Variants in TUBGCP3 observed in about 807,000 individuals in gnomAD.
The protein encoded by TUBGCP3 is gamma-tubulin complex component 3.
A neutral mutation model predicts 123.1 loss-of-function variants in TUBGCP3; 50 were observed. The observed-to-expected ratio is 0.41, with a 90% CI of 0.32 to 0.51. TUBGCP3 has a LOEUF of 0.51. Ranked by LOEUF, TUBGCP3 falls within the 20% of genes least tolerant of loss-of-function variation. The pLI is 0.36. For synonymous variants in TUBGCP3, 405 were observed against 413.9 expected, an observed-to-expected ratio of 0.98 and a Z score of 0.26; for missense variants, 882 against 1,127.0, an observed-to-expected ratio of 0.78 and a Z score of 3.11.
At chr13:112,487,137 G>A (rs1594386873) in intron 21 of TUBGCP3, among the ~76,000 whole-genome samples, 1 of 151,684 alleles carries the variant, frequency 6.6e-6, no homozygotes, top group South Asian at 2.1e-4. Context: ...AGAAGAACAC[G>A]CCTAAGAAGT....
intron 2 of TUBGCP3, among the ~76,000 whole-genome samples, chr13:112,568,521 T>C (rs1360658462): frequency 6.6e-6 from 1 of 151,812 alleles, no homozygotes; most frequent in African/African-American, 2.4e-5. Flanking sequence ...CACAGCCAAA[T>C]GGACTTCTAG....
chr13:112,602,566 T>G, the TUBGCP3 span, among the ~76,000 whole-genome samples: 2 of 152,316 alleles, frequency 1.3e-5, no homozygotes, highest in African/African-American at 4.8e-5. Context: ...TATAAATATA[T>G]GTTATAAATT....
At chr13:112,544,916 A>C (rs1878860781) in intron 11 of TUBGCP3, 1 of 152,270 alleles carries the variant, frequency 6.6e-6, no homozygotes, top group Admixed American at 6.5e-5. Flanking sequence ...AATTTCATCC[A>C]TGAGAAACGG....
At chr13:112,586,000 G>A (rs1007634247) in intron 1 of TUBGCP3, among the ~76,000 whole-genome samples, 5 of 152,060 alleles carry the variant, frequency 3.3e-5, no homozygotes, top group South Asian at 2.1e-4. Context: ...AGCACTTCGG[G>A]AGGCCGAGGC....
chr13:112,546,164 T>C (rs1878969970), intron 10 of TUBGCP3: 2 of 297,046 alleles, frequency 6.7e-6, no homozygotes, highest in Non-Finnish European at 1.3e-5. Context: ...CAATCTAAAG[T>C]TCACATGACT....
chr13:112,535,784 C>T (rs905754618), intron 11 of TUBGCP3, among the ~76,000 whole-genome samples: 1 of 152,166 alleles, frequency 6.6e-6, no homozygotes, highest in Non-Finnish European at 1.5e-5. Flanking sequence ...TTGATAAAGC[C>T]TGATATACTT....
At chr13:112,596,550 G>A in the TUBGCP3 span, among the ~76,000 whole-genome samples, 2,217 of 151,822 alleles carry the variant, frequency 0.015, 52 homozygotes, top group African/African-American at 0.05. Flanking sequence ...TCAGTTTTTC[G>A]GAGTTTGACT....
Position 112,519,164 on chromosome 13 carries a change from G to A in TUBGCP3, c.1882-121C>T, listed in dbSNP as rs1242961787. 1 of 754,468 alleles carries A rather than the reference G, an allele frequency of 1.3e-6. No homozygotes were observed. The highest frequency in any genetic ancestry group is 1.8e-5 in the African/African-American group (1 of 57,118). The allele number at this position is 754,468 out of a possible 1,614,324, so 46.7% of individuals were successfully genotyped here. On this transcript the variant is annotated intron_variant, in intron 15 of 21. Coordinates refer to ENST00000261965, the MANE Select transcript of TUBGCP3 (RefSeq NM_006322.6). The surrounding 1 kb of genome is among the most constrained non-coding windows in gnomAD (Gnocchi z 6.2). ...GTTAAAAACTGCTCAACAGTTCTGA[G>A]TGCATCTTCTTGTTAACTTCTACAA...
upstream of TUBGCP3, among the ~76,000 whole-genome samples, chr13:112,589,546 C>T (rs1310515110): frequency 6.6e-6 from 1 of 152,258 alleles, no homozygotes; most frequent in Non-Finnish European, 1.5e-5. Context: ...AAAGGAATAA[C>T]TGCTAATCTT....
chr13:112,567,823 A>G (rs1035923826), intron 2 of TUBGCP3, among the ~76,000 whole-genome samples: 5 of 152,246 alleles, frequency 3.3e-5, no homozygotes, highest in African/African-American at 9.6e-5. Flanking sequence ...GGCCAAACAC[A>G]GTTCATAATG....
At chr13:112,605,486 C>T in the TUBGCP3 span, 2 of 152,166 alleles carry the variant, frequency 1.3e-5, no homozygotes, top group Non-Finnish European at 2.9e-5. Flanking sequence ...GCCTGGAGAG[C>T]CCTTAGTCCA....
chr13:112,559,530 A>G lies in TUBGCP3; in HGVS notation c.253-131T>C, dbSNP rs554080248. On this transcript the variant is annotated intron_variant, in intron 3 of 21. Transcript: ENST00000261965. ...TTCACATAGTAACGTCAAATCTAAC[A>G]ATTCATAAGTATTTTCAACAGTGCC... 28 of 737,490 alleles carry G rather than the reference A, an allele frequency of 3.8e-5. No individual in the cohort carries two copies. In the African/African-American group the frequency reaches 5.1e-4, roughly 13 times the overall value. The allele number at this position is 737,490 out of a possible 1,614,324, so 45.7% of individuals were successfully genotyped here.
the TUBGCP3 span, among the ~76,000 whole-genome samples, chr13:112,594,487 A>G: frequency 7.9e-5 from 12 of 152,356 alleles, no homozygotes; most frequent in African/African-American, 2.9e-4. Flanking sequence ...AAGGTCATCT[A>G]TAAAATAAAC....
rs148400951 is a variant in TUBGCP3, at chr13:112,572,152, G to A, written c.77-2893C>T. Reference sequence around the variant, plus strand: ...ACTGGCATAAGAGGCCTAGCTTCTCGCGTATCTCAGCTTTTGGCATGCCTT... The same window carrying A: ...ACTGGCATAAGAGGCCTAGCTTCTCACGTATCTCAGCTTTTGGCATGCCTT... On this transcript the variant is annotated intron_variant, in intron 1 of 21. Coordinates refer to ENST00000261965, the MANE Select transcript of TUBGCP3 (RefSeq NM_006322.6). 3.0e-4 allele frequency among the ~76,000 whole-genome samples: 46 copies of A among 152,212 alleles called. No individual in the cohort carries two copies. The East Asian group carries it at 8.3e-3, about 27-fold the overall frequency.
In TUBGCP3 at chr13:112,492,905, C is replaced by T. The variant is rs111950074; in HGVS notation, c.2449-3208G>A. 8.1e-3 allele frequency among the ~76,000 whole-genome samples: 1,169 copies of T among 144,468 alleles called. 16 individuals carry two copies. Among genetic ancestry groups the T allele is most frequent in the African/African-American group, 0.029 (1,107 of 38,338 alleles). 94.8% of individuals were successfully genotyped at this position (144,468 alleles called of 152,430 possible). A position where few individuals can be genotyped will look rare whatever the true frequency, so the allele number is the denominator to read the frequency against. ...CCCTGAGACACTCTAGCTTTGGGAACGGGGCCTGATGTCCCTGAGACACTC... is the reference window on the plus strand; with the variant it reads ...CCCTGAGACACTCTAGCTTTGGGAATGGGGCCTGATGTCCCTGAGACACTC... On this transcript the variant is annotated intron_variant, in intron 20 of 21. Coordinates refer to ENST00000261965, the MANE Select transcript of TUBGCP3 (RefSeq NM_006322.6).
chr13:112,514,952 A>G (rs1875972051), intron 17 of TUBGCP3, among the ~76,000 whole-genome samples: 1 of 152,230 alleles, frequency 6.6e-6, no homozygotes, highest in Non-Finnish European at 1.5e-5. Flanking sequence ...TGCTATTAAA[A>G]ATGGTTCAGA....
chr13:112,534,264 C>T (rs559964675), intron 11 of TUBGCP3, among the ~76,000 whole-genome samples: 1 of 152,264 alleles, frequency 6.6e-6, no homozygotes, highest in East Asian at 1.9e-4. Context: ...AAAACTACTG[C>T]GGCCGGGCGC....
At chr13:112,589,928 A>G (rs544611217), upstream of TUBGCP3, among the ~76,000 whole-genome samples, 1 of 152,344 alleles carries the variant, frequency 6.6e-6, no homozygotes, top group African/African-American at 2.4e-5. Flanking sequence ...TGCGCTTCTG[A>G]GACTGATGTA....
At chr13:112,525,981 A>G (rs1455078393) in intron 13 of TUBGCP3, among the ~76,000 whole-genome samples, 1 of 152,184 alleles carries the variant, frequency 6.6e-6, no homozygotes, top group African/African-American at 2.4e-5. Flanking sequence ...AGTAATTCTA[A>G]TAATCTATAA....
Sources: allele counts gnomAD v4.1 joint callset (sites outside exome capture counted in the v4.1 genomes callset), GRCh38; gene constraint gnomAD v4.1.1; non-coding constraint Gnocchi (gnomAD v3.1); transcripts MANE v1.5; gene names NCBI Gene and HGNC (gene_info 2026-07-23, HGNC 2026-07-21).